The following BBX variants were observed in gnomAD, a reference collection of about 807,000 sequenced individuals.
The protein encoded by BBX is HMG box transcription factor BBX.
BBX carries 30 observed loss-of-function variants against 100.2 expected under a neutral mutation model. The observed-to-expected ratio is 0.30, with a 90% confidence interval of 0.22 to 0.41. The LOEUF is 0.41. Among genes scored for constraint, BBX ranks in the 10% least tolerant of loss-of-function variants. The pLI is 1.00. For missense variants in BBX, 1,023 were observed against 1,129.8 expected (o/e 0.91, Z 1.35); for synonymous variants, 376 against 388.1 (o/e 0.97, Z 0.37).
In BBX at chr3:107,808,744, G is replaced by A. The variant is rs1395804115; in HGVS notation, c.*3287G>A. The A allele has an allele frequency of 6.6e-6, 1 of 152,180 alleles. No individual in the cohort carries two copies. Among genetic ancestry groups the A allele is most frequent in the Non-Finnish European group, 1.5e-5 (1 of 68,020 alleles). 9.4% of individuals were successfully genotyped at this position (152,180 alleles called of 1,614,324 possible). A position where few individuals can be genotyped will look rare whatever the true frequency, so the allele number is the denominator to read the frequency against. On this transcript the variant is annotated 3_prime_UTR_variant, in exon 18 of 18. Transcript: ENST00000325805. ...AAATTAGGTTAGTTCCCAGATTTTAGATCAAAACTGTTAATTCATTAAAAC... is the reference window on the plus strand; with the variant it reads ...AAATTAGGTTAGTTCCCAGATTTTAAATCAAAACTGTTAATTCATTAAAAC...
At chr3:107,573,892 A>G (rs2051569508) in intron 2 of BBX, among the ~76,000 whole-genome samples, 1 of 152,072 alleles carries the variant, frequency 6.6e-6, no homozygotes. Flanking sequence ...ACACCTGGCT[A>G]ATTTTGTATT....
chr3:107,564,775 C>T (rs1178387250), intron 2 of BBX, among the ~76,000 whole-genome samples: 1 of 152,050 alleles, frequency 6.6e-6, no homozygotes, highest in African/African-American at 2.4e-5. Flanking sequence ...AATCCTCTTG[C>T]TATCAGATAG....
rs137927727 is a variant in BBX, at chr3:107,762,541, C to T, written c.906+6863C>T. On this transcript the variant is annotated intron_variant, in intron 10 of 17. Transcript: ENST00000325805. ...TTTAATTATGGGAGAAATGCACATC[C>T]TGAAAAACACTGCTAAAATGCCATC... Among the ~76,000 whole-genome samples the T allele has an allele frequency of 4.6e-3, 708 of 152,298 alleles. 5 individuals carry two copies. The highest frequency in any genetic ancestry group is 0.011 in the Admixed American group (168 of 15,294).
intron 10 of BBX, among the ~76,000 whole-genome samples, chr3:107,764,191 C>T (rs745370336): frequency 2.1e-4 from 32 of 152,054 alleles, no homozygotes; most frequent in Non-Finnish European, 3.8e-4. Flanking sequence ...AGGGTTTCAC[C>T]GTGTTAGTCA....
At chr3:107,549,729 G>A (rs998409878) in intron 2 of BBX, among the ~76,000 whole-genome samples, 5 of 152,190 alleles carry the variant, frequency 3.3e-5, no homozygotes, top group African/African-American at 1.2e-4. Flanking sequence ...GGCAAGCCAT[G>A]TGCATTCCTT....
intron 3 of BBX, among the ~76,000 whole-genome samples, chr3:107,702,267 C>G (rs2061122939): frequency 6.6e-6 from 1 of 152,176 alleles, no homozygotes; most frequent in Admixed American, 6.5e-5. Flanking sequence ...TAATGAAAGT[C>G]ATTGACAAAT....
chr3:107,751,393 C>T (rs2065065909), intron 9 of BBX, among the ~76,000 whole-genome samples: 1 of 152,072 alleles, frequency 6.6e-6, no homozygotes, highest in Non-Finnish European at 1.5e-5. Flanking sequence ...TATTTACAAA[C>T]TCTTTTAACA....
rs886497275 is a variant in BBX, at chr3:107,806,036, T to A, written c.*579T>A. 1 of 151,796 alleles carries A rather than the reference T, an allele frequency of 6.6e-6. No homozygotes were observed. The highest frequency in any genetic ancestry group is 1.9e-4 in the East Asian group (1 of 5,160). The allele number at this position is 151,796 out of a possible 1,614,324, so 9.4% of individuals were successfully genotyped here. A position where few individuals can be genotyped will look rare whatever the true frequency, so the allele number is the denominator to read the frequency against. ...GCAGCCTGGGCAGGCAGATGTACCA[T>A]TGTTAGTGGTGTATGCTCGGCCTCG... is the stretch of plus-strand genomic sequence containing the variant. On this transcript the variant is annotated 3_prime_UTR_variant, in exon 18 of 18. Transcript: ENST00000325805.
intron 7 of BBX, among the ~76,000 whole-genome samples, chr3:107,740,936 T>C (rs1238281921): frequency 2.0e-5 from 3 of 149,402 alleles, no homozygotes; most frequent in Non-Finnish European, 4.4e-5. Flanking sequence ...TTAGGCACAT[T>C]TCCTTTGGTC....
chr3:107,701,789 TA>T (rs1236906548), intron 3 of BBX, among the ~76,000 whole-genome samples: 1 of 149,640 alleles, frequency 6.7e-6, no homozygotes, highest in African/African-American at 2.5e-5. Flanking sequence ...CAAAATATGT[TA>T]TCTCTGCCTC....
At chr3:107,634,358 G>A (rs2056731615) in intron 2 of BBX, among the ~76,000 whole-genome samples, 1 of 152,124 alleles carries the variant, frequency 6.6e-6, no homozygotes, top group South Asian at 2.1e-4. Context: ...ACCATTCTCA[G>A]CTCTATGTAG....
chr3:107,778,321 G>A (rs771797967), intron 12 of BBX, 50 bp from the exon 13 acceptor site: 1 of 1,590,968 alleles, frequency 6.3e-7, no homozygotes, highest in Non-Finnish European at 8.6e-7. Flanking sequence ...GTCACTTTCT[G>A]TGTCATATTT....
intron 13 of BBX, among the ~76,000 whole-genome samples, chr3:107,782,494 A>G (rs544147802): frequency 6.6e-6 from 1 of 152,168 alleles, no homozygotes; most frequent in Non-Finnish European, 1.5e-5. Flanking sequence ...GTTTCTCACA[A>G]CAGGTGTAAA....
chr3:107,683,692 T>C (rs1432389879), intron 3 of BBX, among the ~76,000 whole-genome samples: 2 of 152,174 alleles, frequency 1.3e-5, no homozygotes, highest in African/African-American at 2.4e-5. Flanking sequence ...TATGGATGCG[T>C]CCCAAAAGTT....
chr3:107,762,883 A>G (rs1487744028), intron 10 of BBX, among the ~76,000 whole-genome samples: 1 of 152,166 alleles, frequency 6.6e-6, no homozygotes, highest in Non-Finnish European at 1.5e-5. Context: ...GTAGAATCCA[A>G]TACTTTGAGT....
chr3:107,602,170 A>G lies in BBX; in HGVS notation c.-83-43666A>G, dbSNP rs368673965. On this transcript the variant is annotated intron_variant, in intron 2 of 17. Transcript: ENST00000325805. ...AAATGTTTCTGCTCATTGACTATGTACCTAGTCACACAAGAGCTCTGATGG... is the reference window on the plus strand; with the variant it reads ...AAATGTTTCTGCTCATTGACTATGTGCCTAGTCACACAAGAGCTCTGATGG... Among the ~76,000 whole-genome samples the G allele has an allele frequency of 1.7e-4, 26 of 152,306 alleles. 1 individual carries two copies. The South Asian group carries it at 4.8e-3, about 28-fold the overall frequency.
intron 2 of BBX, among the ~76,000 whole-genome samples, chr3:107,552,421 C>A (rs906804097): frequency 6.5e-5 from 9 of 138,786 alleles, no homozygotes; most frequent in Non-Finnish European, 1.1e-4. Flanking sequence ...GTTAGAGAAG[C>A]AACTGAAACA....
intron 15 of BBX, among the ~76,000 whole-genome samples, chr3:107,793,702 C>T (rs1004447681): frequency 6.6e-6 from 1 of 152,064 alleles, no homozygotes; most frequent in African/African-American, 2.4e-5. Context: ...AAATGTTAGA[C>T]AGGCATTGTT....
chr3:107,582,598 G>C (rs867084291), intron 2 of BBX, among the ~76,000 whole-genome samples: 1 of 151,984 alleles, frequency 6.6e-6, no homozygotes, highest in African/African-American at 2.4e-5. Context: ...GTGGAGAACA[G>C]TTCTTTCCTT....
Sources: gnomAD v4.1 joint callset for allele counts (sites outside exome capture counted in the v4.1 genomes callset) on GRCh38, gnomAD v4.1.1 for gene constraint, MANE v1.5 for transcripts, NCBI Gene and HGNC (gene_info 2026-07-23, HGNC 2026-07-21) for gene names.